TAF4: variants seen among roughly 807,000 people sequenced by gnomAD.
The protein encoded by TAF4 is transcription initiation factor TFIID subunit 4.
A neutral mutation model predicts 90.3 loss-of-function variants in TAF4; 9 were observed. The ratio of observed to expected loss-of-function variants is 0.10; its 90% confidence interval spans 0.06 to 0.17. TAF4 has a LOEUF of 0.17. Among genes scored for constraint, TAF4 ranks in the 10% least tolerant of loss-of-function variants. The pLI, the probability that TAF4 is intolerant of heterozygous loss-of-function variation, is 1.00. For synonymous variants in TAF4, 818 were observed against 638.9 expected, an observed-to-expected ratio of 1.28 and a Z score of -4.23; for missense variants, 1,351 against 1,370.7, an observed-to-expected ratio of 0.99 and a Z score of 0.23.
chr20:62,048,335 C>G (rs2056005446), intron 1 of TAF4, among the ~76,000 whole-genome samples: 2 of 152,166 alleles, frequency 1.3e-5, no homozygotes, highest in South Asian at 4.1e-4. Flanking sequence ...TGGGAGTTGT[C>G]AAGTGATTTG....
chr20:61,997,541 C>A lies in TAF4; in HGVS notation c.3090+9G>T, dbSNP rs747513443. On this transcript the variant is annotated intron_variant, in intron 14 of 14. Transcript: ENST00000252996. Reference sequence around the variant, plus strand: ...CCCCCAGGACCTCGATCCCACAACACTGCCGTACCTCTGCTCCTGAGCCCG... The same window carrying A: ...CCCCCAGGACCTCGATCCCACAACAATGCCGTACCTCTGCTCCTGAGCCCG... The A allele has an allele frequency of 6.3e-7, 1 of 1,580,028 alleles. No homozygotes were observed. Among genetic ancestry groups the A allele is most frequent in the Non-Finnish European group, 8.6e-7 (1 of 1,165,796 alleles).
Position 61,975,348 on chromosome 20 carries a change from C to G in TAF4, c.*820G>C, listed in dbSNP as rs2055486424. The G allele has an allele frequency of 1.3e-5, 2 of 152,126 alleles. No individual in the cohort carries two copies. The highest frequency in any genetic ancestry group is 1.3e-4 in the Admixed American group (2 of 15,232). 9.4% of individuals were successfully genotyped at this position (152,126 alleles called of 1,614,324 possible). A position where few individuals can be genotyped will look rare whatever the true frequency, so the allele number is the denominator to read the frequency against. ...TCAACACTTGATTCACACCGAGAAACAGTCTTTTGATGATTCTTCTCAACT... is the reference window on the plus strand; with the variant it reads ...TCAACACTTGATTCACACCGAGAAAGAGTCTTTTGATGATTCTTCTCAACT... On this transcript the variant is annotated 3_prime_UTR_variant, in exon 15 of 15. Coordinates refer to ENST00000252996, the MANE Select transcript of TAF4 (RefSeq NM_003185.4).
chr20:62,034,941 C>T (rs2055924361), intron 1 of TAF4, among the ~76,000 whole-genome samples: 1 of 151,966 alleles, frequency 6.6e-6, no homozygotes. Context: ...CTGCCTCAGC[C>T]TCCCGAGTAG....
chr20:61,976,906 G>C (rs2055498059), intron 14 of TAF4, among the ~76,000 whole-genome samples: 1 of 152,200 alleles, frequency 6.6e-6, no homozygotes, highest in Non-Finnish European at 1.5e-5. Context: ...AGCCCCTACA[G>C]GTGACCAGGT....
chr20:62,053,877 G>A (rs2056045369), intron 1 of TAF4, among the ~76,000 whole-genome samples: 1 of 152,240 alleles, frequency 6.6e-6, no homozygotes, highest in Admixed American at 6.5e-5. Context: ...TTAAGACCAG[G>A]AGTGCCTCTT....
intron 14 of TAF4, among the ~76,000 whole-genome samples, chr20:61,991,765 A>C (rs1045682798): frequency 2.0e-5 from 3 of 152,202 alleles, no homozygotes; most frequent in African/African-American, 7.2e-5. Context: ...GATGTTCCTA[A>C]GGAGACTTGA....
intron 1 of TAF4, among the ~76,000 whole-genome samples, chr20:62,044,196 C>G (rs56374005): frequency 0.024 from 3,728 of 152,240 alleles, 94 homozygotes; most frequent in African/African-American, 0.061. Flanking sequence ...CATCACTATT[C>G]AGAGTAATTT....
At position 62,003,175 on chromosome 20, in the gene TAF4, C is replaced by T. The variant is rs777395465; in HGVS notation, c.2471G>A (p.Gly824Glu). The change falls in exon 9 of 15, where the codon GGG (glycine) becomes GAG (glutamate). Residue 824 changes from glycine (G) to glutamate (E), a missense_variant. Around this residue, in one of 9 missense-constraint regions of TAF4, gnomAD observed 202 missense variants for 229.7 expected, o/e 0.88. Transcript: ENST00000252996. ...AAQKNKLKEP[G>E]GGSFRDDDDI... ...CATTCCTTACCGAAACGAACCTCCC[C>T]CAGGCTCCTTGAGTTTATTTTTCTG... The T allele has an allele frequency of 6.2e-7, 1 of 1,614,176 alleles. No homozygotes were observed.
chr20:61,984,821 T>G (rs1373692892), intron 14 of TAF4, among the ~76,000 whole-genome samples: 1 of 147,196 alleles, frequency 6.8e-6, no homozygotes. Context: ...CTCATCTGTT[T>G]GCATGGTGAG....
intron 1 of TAF4, among the ~76,000 whole-genome samples, chr20:62,050,717 T>C (rs2056022236): frequency 6.6e-6 from 1 of 152,058 alleles, no homozygotes; most frequent in Non-Finnish European, 1.5e-5. Context: ...GACGGGCATC[T>C]AGGCATCACC....
chr20:61,976,820 C>T (rs1201900770), intron 14 of TAF4, among the ~76,000 whole-genome samples: 1 of 152,210 alleles, frequency 6.6e-6, no homozygotes, highest in Non-Finnish European at 1.5e-5. Flanking sequence ...GCTGGGAAGG[C>T]TGGGTTTCTC....
intron 14 of TAF4, chr20:61,980,154 C>T (rs551780892): frequency 1.4e-4 from 22 of 152,472 alleles, no homozygotes; most frequent in African/African-American, 3.1e-4. Context: ...TGCAGACAGC[C>T]CTCGCCCCAT....
At chr20:62,029,484 G>GCACACACA (rs534147759) in intron 1 of TAF4, among the ~76,000 whole-genome samples, 24 of 142,242 alleles carry the variant, frequency 1.7e-4, no homozygotes, top group Admixed American at 3.5e-4. Context: ...GTGCGCGCGC[G>GCACACACA]CGCACACACA....
At chr20:62,018,954 C>T (rs2055827854) in intron 1 of TAF4, among the ~76,000 whole-genome samples, 2 of 152,166 alleles carry the variant, frequency 1.3e-5, no homozygotes, top group African/African-American at 4.8e-5. Context: ...CTGTGGCCAC[C>T]GCCGCCTCCC....
chr20:62,030,630 C>T (rs1476857191), intron 1 of TAF4, among the ~76,000 whole-genome samples: 1 of 152,224 alleles, frequency 6.6e-6, no homozygotes, highest in Non-Finnish European at 1.5e-5. Flanking sequence ...GCTTGCCCTA[C>T]TCCACACACC....
chr20:62,064,355 G>A (rs2056108815), intron 1 of TAF4, 96 bp downstream of exon 1: 14 of 1,242,662 alleles, frequency 1.1e-5, no homozygotes, highest in Non-Finnish European at 1.3e-5. Flanking sequence ...CTACGGGACA[G>A]ATGACCTTAG....
Position 62,010,214 on chromosome 20 carries a change from G to T in TAF4, c.1642-49C>A. ...GTAAGGGCATCTCACGCCACCAGCT[G>T]ACGAGGGGGAGACCAGCCTCACGCC... is the stretch of plus-strand genomic sequence containing the variant. On this transcript the variant is annotated intron_variant, in intron 3 of 14. Transcript: ENST00000252996. This position sits in a 1 kb window ranked among gnomAD's most constrained non-coding sequence, Gnocchi z 4.5. The T allele has an allele frequency of 6.2e-7, 1 of 1,611,808 alleles. No individual in the cohort carries two copies. The highest frequency in any genetic ancestry group is 1.1e-5 in the South Asian group (1 of 91,050).
chr20:62,043,663 G>A (rs1283288527), intron 1 of TAF4, among the ~76,000 whole-genome samples: 1 of 152,078 alleles, frequency 6.6e-6, no homozygotes, highest in African/African-American at 2.4e-5. Flanking sequence ...CCTTTTCTAT[G>A]TTTAGATACA....
At position 62,012,930 on chromosome 20, in the gene TAF4, G is replaced by A. The variant is rs769784060; in HGVS notation, c.1526C>T (p.Pro509Leu). The A allele has an allele frequency of 6.2e-7, 1 of 1,612,706 alleles. No homozygotes were observed. Among genetic ancestry groups the A allele is most frequent in the East Asian group, 2.2e-5 (1 of 44,882 alleles). The change falls in exon 3 of 15, where the codon CCT becomes CTT. Residue 509 changes from proline to leucine, a missense_variant. Pro to Leu is a moderately conservative substitution (Grantham distance 98). Transcript: ENST00000252996. ...PPVQISTVQAPGTPIIARQVT... is the reference protein window; with the variant it reads ...PPVQISTVQALGTPIIARQVT... ...CTGCCGTGCAATGATAGGTGTTCCA[G>A]GTGCCTGAAAAATAAGCAGAGTCAC...
Sources: allele counts gnomAD v4.1 joint callset (sites outside exome capture counted in the v4.1 genomes callset), GRCh38; gene constraint gnomAD v4.1.1; regional missense constraint gnomAD v4.1.1; non-coding constraint Gnocchi (gnomAD v3.1); transcripts MANE v1.5; gene names NCBI Gene and HGNC (gene_info 2026-07-23, HGNC 2026-07-21).